The following NFIX variants were observed in gnomAD, a reference collection of about 807,000 sequenced individuals.
NFIX encodes nuclear factor I X.
A neutral mutation model predicts 53.3 loss-of-function variants in NFIX; 2 were observed. The ratio of observed to expected loss-of-function variants is 0.04; its 90% CI spans 0.02 to 0.12. The LOEUF is 0.12. Ranked by LOEUF, NFIX falls within the 10% of genes least tolerant of loss-of-function variation. The probability of loss-of-function intolerance (pLI) is 1.00; values close to 1 mark genes in which losing one functional copy is unlikely to be tolerated. For missense variants in NFIX, 310 were observed against 674.5 expected (o/e 0.46, Z 5.99); for synonymous variants, 244 against 289.0 (o/e 0.84, Z 1.58).
Position 13,066,661 on chromosome 19 carries a change from C to T in NFIX, c.560-6386C>T, listed in dbSNP as rs547102274. Among the ~76,000 whole-genome samples the T allele has an allele frequency of 2.0e-5, 3 of 152,212 alleles. No homozygotes were observed. Among genetic ancestry groups the T allele is most frequent in the Non-Finnish European group, 4.4e-5 (3 of 68,044 alleles). On this transcript the variant is annotated intron_variant, in intron 2 of 10. Coordinates refer to ENST00000592199, the MANE Select transcript of NFIX (RefSeq NM_001365902.3). The surrounding 1 kb of genome is among the most constrained non-coding windows in gnomAD (Gnocchi z 4.2). ...TTCTTGTTCAGGCTCCGGCTTTAAA[C>T]CATGTGAGACTCTAGGGATGACAGA...
chr19:13,035,423 C>A (rs1394442645), intron 2 of NFIX, among the ~76,000 whole-genome samples: 1 of 152,128 alleles, frequency 6.6e-6, no homozygotes, highest in African/African-American at 2.4e-5. Context: ...GGCTGCTGAT[C>A]TGGGGAACAG....
rs73507363 is a variant in NFIX, at chr19:13,049,470, T to A, written c.560-23577T>A. ...CTAATCTGCTTTGTTTCTATGGATT[T>A]GCCTAGTTGTGGATGTTTCATATAA... On this transcript the variant is annotated intron_variant, in intron 2 of 10. Transcript: ENST00000592199. The surrounding 1 kb of genome is among the most constrained non-coding windows in gnomAD (Gnocchi z 4.5). 0.013 allele frequency among the ~76,000 whole-genome samples: 1,967 copies of A among 152,296 alleles called. 34 individuals are homozygous for A. The highest frequency in any genetic ancestry group is 0.045 in the African/African-American group (1,856 of 41,546).
Position 13,076,882 on chromosome 19 carries a change from G to A in NFIX, c.955+1211G>A, listed in dbSNP as rs532356126. Among the ~76,000 whole-genome samples, 58 of 152,266 alleles carry A rather than the reference G, an allele frequency of 3.8e-4. 1 individual carries two copies. Among genetic ancestry groups the A allele is most frequent in the African/African-American group, 1.3e-3 (54 of 41,556 alleles). Reference sequence around the variant, plus strand: ...CGCCTCCAGGCCTCAGGCTGAGGGAGTGGGCTGGAGACCCTCTAGATGGCC... The same window carrying A: ...CGCCTCCAGGCCTCAGGCTGAGGGAATGGGCTGGAGACCCTCTAGATGGCC... On this transcript the variant is annotated intron_variant, in intron 6 of 10. Coordinates refer to ENST00000592199, the MANE Select transcript of NFIX (RefSeq NM_001365902.3).
In NFIX at chr19:13,067,489, T is replaced by C. The variant is rs201081287; in HGVS notation, c.560-5558T>C. 2.5e-3 allele frequency among the ~76,000 whole-genome samples: 364 copies of C among 146,950 alleles called. 7 individuals are homozygous for C. In the East Asian group the frequency reaches 0.053, roughly 22 times the overall value. On this transcript the variant is annotated intron_variant, in intron 2 of 10. Transcript: ENST00000592199. The surrounding 1 kb of genome is among the most constrained non-coding windows in gnomAD (Gnocchi z 4.2). ...GTGTGTGTGTGTGTGTGTGCGTGTG[T>C]GTGTGTGTGTGTGTGTATGTGTGTG...
chr19:13,075,099 A>AT (rs2017011882), intron 5 of NFIX, among the ~76,000 whole-genome samples: 1 of 146,524 alleles, frequency 6.8e-6, no homozygotes, highest in African/African-American at 2.5e-5. Context: ...AGGAACTAAA[A>AT]TATTCTTTAT....
At chr19:13,024,964 G>A (rs756849607) in intron 1 of NFIX, 57 bp from the exon 2 acceptor site, 16 of 1,549,256 alleles carry the variant, frequency 1.0e-5, no homozygotes, top group Middle Eastern at 1.7e-4. Flanking sequence ...CCCTCATCCC[G>A]TCTTCCCCTC....
chr19:13,059,470 C>T (rs952464121), intron 2 of NFIX, among the ~76,000 whole-genome samples: 4 of 152,186 alleles, frequency 2.6e-5, no homozygotes, highest in Non-Finnish European at 4.4e-5. Flanking sequence ...GTACCCCCAG[C>T]GTGAGGCCAG....
At chr19:13,018,712 G>C (rs1171161992) in intron 1 of NFIX, among the ~76,000 whole-genome samples, 1 of 152,212 alleles carries the variant, frequency 6.6e-6, no homozygotes, top group African/African-American at 2.4e-5. Flanking sequence ...CAGTGCTGCC[G>C]CTGCGTCATG....
Position 13,013,875 on chromosome 19 carries a change from G to A in NFIX, c.28-11146G>A, listed in dbSNP as rs1392348738. 1.3e-5 allele frequency: 2 copies of A among 152,160 alleles called. No individual in the cohort carries two copies. Among genetic ancestry groups the A allele is most frequent in the Non-Finnish European group, 2.9e-5 (2 of 68,038 alleles). 9.4% of individuals were successfully genotyped at this position (152,160 alleles called of 1,614,324 possible). On this transcript the variant is annotated intron_variant, in intron 1 of 10. Coordinates refer to ENST00000592199, the MANE Select transcript of NFIX (RefSeq NM_001365902.3). The surrounding 1 kb of genome is among the most constrained non-coding windows in gnomAD (Gnocchi z 5.9). ...CACCTGAGATCTCCGCCACTGAAAA[G>A]GCGCTATAGAAATGCAAGGAATTAT...
chr19:13,000,743 G>A (rs2011648169), intron 1 of NFIX, among the ~76,000 whole-genome samples: 1 of 152,194 alleles, frequency 6.6e-6, no homozygotes, highest in Admixed American at 6.5e-5. Context: ...AGAACTTTCT[G>A]TGTCTGCACC....
chr19:12,997,681 AG>A (rs1406829079), intron 1 of NFIX, among the ~76,000 whole-genome samples: 2 of 152,232 alleles, frequency 1.3e-5, no homozygotes, highest in Non-Finnish European at 2.9e-5. Flanking sequence ...CCAGGCTGCC[AG>A]CCCGGCCTCC....
Position 13,097,661 on chromosome 19 carries a change from C to T in NFIX, c.*3012C>T, listed in dbSNP as rs1043433018. 2 of 152,010 alleles carry T rather than the reference C, an allele frequency of 1.3e-5. No individual in the cohort carries two copies. The highest frequency in any genetic ancestry group is 3.9e-4 in the East Asian group (2 of 5,106). 9.4% of individuals were successfully genotyped at this position (152,010 alleles called of 1,614,324 possible). A position where few individuals can be genotyped will look rare whatever the true frequency, so the allele number is the denominator to read the frequency against. ...CGGGTACGGGGGCGCGGCAGGGGTC[C>T]CCGGCCCCTCCCCCGCAGAGGTCAA... is the stretch of plus-strand genomic sequence containing the variant. On this transcript the variant is annotated 3_prime_UTR_variant, in exon 11 of 11. Transcript: ENST00000592199.
At chr19:13,031,515 T>C (rs2013801757) in intron 2 of NFIX, among the ~76,000 whole-genome samples, 1 of 152,186 alleles carries the variant, frequency 6.6e-6, no homozygotes. Context: ...ATCCATGAAA[T>C]GCACACTTAG....
chr19:13,088,249 C>G lies in NFIX; in HGVS notation c.1402+113C>G. ...CTCCCCACCACCAAAGCCCCCCAACCCAGAGCACCATGGACAAGAGCAGAG... is the reference window on the plus strand; with the variant it reads ...CTCCCCACCACCAAAGCCCCCCAACGCAGAGCACCATGGACAAGAGCAGAG... On this transcript the variant is annotated intron_variant, in intron 9 of 10. Transcript: ENST00000592199. The surrounding 1 kb of genome is among the most constrained non-coding windows in gnomAD (Gnocchi z 5.9). 7.7e-7 allele frequency: 1 copy of G among 1,298,952 alleles called. No homozygotes were observed. Among genetic ancestry groups the G allele is most frequent in the Non-Finnish European group, 1.0e-6 (1 of 958,076 alleles). The allele number at this position is 1,298,952 out of a possible 1,614,324, so 80.5% of individuals were successfully genotyped here.
intron 2 of NFIX, among the ~76,000 whole-genome samples, chr19:13,065,081 C>T (rs188399702): frequency 2.0e-5 from 3 of 152,184 alleles, no homozygotes; most frequent in Non-Finnish European, 2.9e-5. Flanking sequence ...TGGCCACCCA[C>T]CTCCTTCCTC....
rs1025400135 is a variant in NFIX, at chr19:13,066,419, C to A, written c.560-6628C>A. On this transcript the variant is annotated intron_variant, in intron 2 of 10. Transcript: ENST00000592199. This position sits in a 1 kb window ranked among gnomAD's most constrained non-coding sequence, Gnocchi z 4.2. ...TAGGGGCAGCCAGAGCAGGCCTAGA[C>A]CACATGTGGGTGTCACTCGGTTTCT... is the stretch of plus-strand genomic sequence containing the variant. 2.0e-5 allele frequency among the ~76,000 whole-genome samples: 3 copies of A among 151,164 alleles called. No homozygotes were observed. Among genetic ancestry groups the A allele is most frequent in the African/African-American group, 7.3e-5 (3 of 41,180 alleles).
chr19:13,018,259 C>T (rs2145171335), intron 1 of NFIX, among the ~76,000 whole-genome samples: 1 of 146,102 alleles, frequency 6.8e-6, no homozygotes, highest in African/African-American at 2.6e-5. Flanking sequence ...GCATTTGGAG[C>T]CAGAACGAGG....
chr19:13,033,170 G>A (rs990664430), intron 2 of NFIX, among the ~76,000 whole-genome samples: 2 of 152,164 alleles, frequency 1.3e-5, no homozygotes, highest in Non-Finnish European at 2.9e-5. Context: ...ACAAACGCCC[G>A]GCCCTGCAGG....
In NFIX at chr19:13,072,116, C is replaced by A. The variant is rs1006721187; in HGVS notation, c.560-931C>A. On this transcript the variant is annotated intron_variant, in intron 2 of 10. Coordinates refer to ENST00000592199, the MANE Select transcript of NFIX (RefSeq NM_001365902.3). The surrounding 1 kb of genome is among the most constrained non-coding windows in gnomAD (Gnocchi z 4.0). ...AAATGCCTGGCTTCCTCCTGCCCCA[C>A]AACCTGCCTGGCCCCCCTCCACCAC... is the stretch of plus-strand genomic sequence containing the variant. Among the ~76,000 whole-genome samples, 6 of 152,226 alleles carry A rather than the reference C, an allele frequency of 3.9e-5. No homozygotes were observed. Among genetic ancestry groups the A allele is most frequent in the Non-Finnish European group, 7.3e-5 (5 of 68,038 alleles).
Sources: gnomAD v4.1 joint callset for allele counts (sites outside exome capture counted in the v4.1 genomes callset) on GRCh38, gnomAD v4.1.1 for gene constraint, Gnocchi (gnomAD v3.1) non-coding constraint, MANE v1.5 for transcripts, NCBI Gene and HGNC (gene_info 2026-07-23, HGNC 2026-07-21) for gene names.